The following SLC8A1 variants were observed in gnomAD, a reference collection of about 807,000 sequenced individuals.
SLC8A1 encodes sodium/calcium exchanger 1.
In SLC8A1, 18 loss-of-function variants were observed where a neutral mutation model predicts 68.3. The observed-to-expected ratio is 0.26, with a 90% CI of 0.18 to 0.39. SLC8A1 has a LOEUF of 0.39. Ranked by LOEUF, SLC8A1 falls within the 10% of genes least tolerant of loss-of-function variation. SLC8A1 has a pLI of 1.00. For synonymous variants in SLC8A1, 475 were observed against 415.5 expected (o/e 1.14, Z -1.74); for missense variants, 985 against 1,156.7 (o/e 0.85, Z 2.15).
chr2:40,346,824 T>A (rs1328855058), intron 2 of SLC8A1, among the ~76,000 whole-genome samples: 3 of 152,190 alleles, frequency 2.0e-5, no homozygotes, highest in Non-Finnish European at 2.9e-5. Flanking sequence ...TAGTTTGGAA[T>A]AATTTTAAAT....
intron 2 of SLC8A1, among the ~76,000 whole-genome samples, chr2:40,381,549 C>T (rs1056342031): frequency 6.6e-6 from 1 of 151,934 alleles, no homozygotes; most frequent in Non-Finnish European, 1.5e-5. Flanking sequence ...TGTCTTTTAC[C>T]TGGCCCCATT....
intron 2 of SLC8A1, among the ~76,000 whole-genome samples, chr2:40,395,964 A>C (rs1686775665): frequency 6.6e-6 from 1 of 152,172 alleles, no homozygotes; most frequent in Non-Finnish European, 1.5e-5. Context: ...TGTTCTGTAA[A>C]ATCAGCATAT....
intron 2 of SLC8A1, among the ~76,000 whole-genome samples, chr2:40,191,339 A>T (rs556448109): frequency 6.6e-6 from 1 of 152,308 alleles, no homozygotes; most frequent in South Asian, 2.1e-4. Context: ...GCTTAAAAAA[A>T]CATCAGTTAT....
intron 2 of SLC8A1, 44 bp from the exon 3 acceptor site, chr2:40,178,537 G>A: frequency 6.7e-7 from 1 of 1,501,904 alleles, no homozygotes; most frequent in Non-Finnish European, 9.2e-7. Context: ...GAAGAGGAAA[G>A]AGAAGAGAAG....
intron 2 of SLC8A1, among the ~76,000 whole-genome samples, chr2:40,344,341 A>G (rs1295329159): frequency 1.3e-5 from 2 of 152,162 alleles, no homozygotes; most frequent in African/African-American, 2.4e-5. Flanking sequence ...TGGGTCTATG[A>G]CAATGTAGAT....
chr2:40,348,105 G>A (rs1489270305), intron 2 of SLC8A1, among the ~76,000 whole-genome samples: 4 of 152,144 alleles, frequency 2.6e-5, no homozygotes, highest in Non-Finnish European at 4.4e-5. Flanking sequence ...ATTTTTACAT[G>A]GGCTGAAATG....
At chr2:40,417,870 T>TACACACACACATACAC (rs1694334327) in intron 2 of SLC8A1, among the ~76,000 whole-genome samples, 1 of 147,164 alleles carries the variant, frequency 6.8e-6, no homozygotes, top group African/African-American at 2.5e-5. Flanking sequence ...CTTGGATGGA[T>TACACACACACATACAC]ACACACACAC....
At chr2:40,359,125 C>T (rs1020543199) in intron 2 of SLC8A1, among the ~76,000 whole-genome samples, 4 of 152,020 alleles carry the variant, frequency 2.6e-5, no homozygotes, top group South Asian at 4.1e-4. Flanking sequence ...GTATCTAGCA[C>T]GTACGCAGCT....
chr2:40,390,571 A>G (rs1684949092), intron 2 of SLC8A1, among the ~76,000 whole-genome samples: 2 of 152,086 alleles, frequency 1.3e-5, no homozygotes, highest in South Asian at 4.1e-4. Flanking sequence ...AAGTTCAGCA[A>G]TCTGTATTTT....
chr2:40,386,672 T>C (rs2149579015), intron 2 of SLC8A1, among the ~76,000 whole-genome samples: 1 of 150,602 alleles, frequency 6.6e-6, no homozygotes, highest in African/African-American at 2.5e-5. Context: ...AAGTATATTA[T>C]TAATAAATAA....
chr2:40,402,603 G>A (rs967992186), intron 2 of SLC8A1, among the ~76,000 whole-genome samples: 1 of 152,142 alleles, frequency 6.6e-6, no homozygotes, highest in Non-Finnish European at 1.5e-5. Context: ...TGAAACATAG[G>A]TGATAAACAG....
chr2:40,504,023 C>T (rs1470320340), intron 1 of SLC8A1, among the ~76,000 whole-genome samples: 2 of 152,010 alleles, frequency 1.3e-5, no homozygotes, highest in Non-Finnish European at 2.9e-5. Context: ...AAGAACAAAA[C>T]TGGAGGAATC....
At chr2:40,101,039 A>C (rs1472073860) in exon 8 of SLC8A1, 1 of 152,186 alleles carries the variant, frequency 6.6e-6, no homozygotes, top group East Asian at 1.9e-4. Context: ...TGATATTTTC[A>C]GGTTAGAATT....
At chr2:40,453,858 C>T (rs1250599253), upstream of SLC8A1, among the ~76,000 whole-genome samples, 2 of 152,214 alleles carry the variant, frequency 1.3e-5, no homozygotes, top group Non-Finnish European at 2.9e-5. Context: ...TTAGTCGGGT[C>T]TGTTGCCAGC....
At chr2:40,192,733 G>A (rs1370080620) in intron 2 of SLC8A1, among the ~76,000 whole-genome samples, 1 of 152,004 alleles carries the variant, frequency 6.6e-6, no homozygotes, top group Non-Finnish European at 1.5e-5. Context: ...TGTTGGTCCT[G>A]AATACTTTTT....
chr2:40,463,001 G>T (rs182805217), intron 1 of SLC8A1, among the ~76,000 whole-genome samples: 2 of 143,400 alleles, frequency 1.4e-5, no homozygotes, highest in Non-Finnish European at 3.0e-5. Context: ...AGACACAATG[G>T]AATTATCAGT....
intron 1 of SLC8A1, among the ~76,000 whole-genome samples, chr2:40,439,707 A>G (rs1395792449): frequency 1.3e-5 from 2 of 152,218 alleles, no homozygotes; most frequent in African/African-American, 4.8e-5. Flanking sequence ...TTCAGAAGAC[A>G]GAATCCTATC....
At chr2:40,128,666 G>A (rs959130803) in intron 7 of SLC8A1, among the ~76,000 whole-genome samples, 1 of 152,156 alleles carries the variant, frequency 6.6e-6, no homozygotes, top group Admixed American at 6.5e-5. Context: ...CCCACCCCCA[G>A]CAATTTGCAG....
intron 2 of SLC8A1, among the ~76,000 whole-genome samples, chr2:40,265,900 ACT>A (rs2065300165): frequency 6.6e-6 from 1 of 152,186 alleles, no homozygotes; most frequent in Admixed American, 6.5e-5. Context: ...CTGGACATGC[ACT>A]GAAGTAACCA....
Sources: gnomAD v4.1 joint callset for allele counts (sites outside exome capture counted in the v4.1 genomes callset) on GRCh38, gnomAD v4.1.1 for gene constraint, MANE v1.5 for transcripts, NCBI Gene and HGNC (gene_info 2026-07-23, HGNC 2026-07-21) for gene names.